Variants in LRP5 observed in about 807,000 individuals in gnomAD.
The protein encoded by LRP5 is LDL receptor related protein 5, also known as low-density lipoprotein receptor-related protein 5.
LRP5 carries 62 observed loss-of-function variants against 154.1 expected under a neutral mutation model. That is an observed-to-expected ratio of 0.40 (90% CI 0.33 to 0.50). The LOEUF is 0.50. Among genes scored for constraint, LRP5 ranks in the 20% least tolerant of loss-of-function variants. The probability of loss-of-function intolerance (pLI) is 0.55; values close to 1 mark genes in which losing one functional copy is unlikely to be tolerated. For synonymous variants in LRP5, 966 were observed against 1,011.5 expected (o/e 0.96, Z 0.85); for missense variants, 1,915 against 2,336.7 (o/e 0.82, Z 3.72).
intron 1 of LRP5, among the ~76,000 whole-genome samples, chr11:68,318,105 A>G (rs1434028389): frequency 6.7e-6 from 1 of 148,370 alleles, no homozygotes; most frequent in Non-Finnish European, 1.5e-5. Flanking sequence ...CCCAGGCTGG[A>G]GTGCAGCGGT....
intron 1 of LRP5, among the ~76,000 whole-genome samples, chr11:68,314,140 G>A (rs1452759770): frequency 1.3e-5 from 2 of 152,126 alleles, no homozygotes; most frequent in Non-Finnish European, 2.9e-5. Context: ...TCCTTTTTCC[G>A]GAAATGCCTG....
At chr11:68,371,228 C>A (rs1218817573) in intron 5 of LRP5, among the ~76,000 whole-genome samples, 3 of 152,190 alleles carry the variant, frequency 2.0e-5, no homozygotes, top group Non-Finnish European at 2.9e-5. Flanking sequence ...ACCAGGATGG[C>A]TCTCTGCAAA....
chr11:68,438,380 GCCCCCAAGGAGGGCCCATT>G (rs1433944758), intron 19 of LRP5, 47 bp from the exon 20 acceptor site: 3 of 1,433,170 alleles, frequency 2.1e-6, no homozygotes, highest in Non-Finnish European at 3.0e-6. Flanking sequence ...CACGGTGTCT[GCCCCCAAGGAGGGCCCATT>G]CCGTTGGGGT....
At chr11:68,352,532 T>C (rs140768342) in intron 2 of LRP5, among the ~76,000 whole-genome samples, 8 of 152,338 alleles carry the variant, frequency 5.3e-5, no homozygotes, top group East Asian at 3.9e-4. Flanking sequence ...CAGTGCTAGG[T>C]TGGGAGGTGA....
At chr11:68,338,873 T>TG (rs1565327357) in intron 1 of LRP5, among the ~76,000 whole-genome samples, 1 of 136,338 alleles carries the variant, frequency 7.3e-6, no homozygotes, top group East Asian at 2.1e-4. Context: ...TTTAGTTTTT[T>TG]TTTTTTTTTT....
chr11:68,397,903 G>T (rs2098650327), intron 7 of LRP5, among the ~76,000 whole-genome samples: 1 of 151,748 alleles, frequency 6.6e-6, no homozygotes, highest in Admixed American at 6.6e-5. Context: ...TCTGTTGGCT[G>T]CACTGTGCTC....
At chr11:68,345,368 A>G (rs1461193933) in intron 1 of LRP5, among the ~76,000 whole-genome samples, 2 of 151,858 alleles carry the variant, frequency 1.3e-5, no homozygotes, top group African/African-American at 4.8e-5. Flanking sequence ...GCTCACTGCA[A>G]CCTCCACCTC....
At chr11:68,376,796 C>T (rs1426474655) in intron 5 of LRP5, among the ~76,000 whole-genome samples, 2 of 152,210 alleles carry the variant, frequency 1.3e-5, no homozygotes, top group Non-Finnish European at 2.9e-5. Flanking sequence ...GGCCGCCTGC[C>T]TAAAGGGGGG....
intron 17 of LRP5, among the ~76,000 whole-genome samples, chr11:68,431,928 G>C (rs987247477): frequency 2.0e-5 from 3 of 152,132 alleles, no homozygotes; most frequent in Non-Finnish European, 4.4e-5. Context: ...CTCACGGCTC[G>C]AGAGACGTGT....
chr11:68,299,882 C>CT, the LRP5 span, among the ~76,000 whole-genome samples: 1 of 148,784 alleles, frequency 6.7e-6, no homozygotes, highest in African/African-American at 2.4e-5. Flanking sequence ...CGCGCTCCGC[C>CT]TTTTTTTGTT....
chr11:68,409,936 A>AC lies in LRP5; in HGVS notation c.2115dup (p.Gly706ArgfsTer13). On this transcript the variant is annotated frameshift_variant, in exon 10 of 23. Coordinates refer to ENST00000294304, the MANE Select transcript of LRP5 (RefSeq NM_002335.4). LOFTEE classifies it high-confidence loss of function. ...CAGACCATCAGCCGCGCCTTCATGA[A>AC]CGGGAGCTCGGTGGAGCACGTGGTG... 6.2e-7 allele frequency: 1 copy of AC among 1,613,660 alleles called. No individual in the cohort carries two copies. The highest frequency in any genetic ancestry group is 8.5e-7 in the Non-Finnish European group (1 of 1,179,960).
chr11:68,429,583 C>T lies in LRP5; in HGVS notation c.3646C>T (p.Pro1216Ser), dbSNP rs1182977842. The change falls in exon 17 of 23, where the codon CCA becomes TCA. Residue 1216 changes from proline (P) to serine (S), a missense_variant. Coordinates refer to ENST00000294304, the MANE Select transcript of LRP5 (RefSeq NM_002335.4). ...EVSLEEFSAH[P>S]CARDNGGCSH... ...TTGTTTTGTCTTTGCAGCAGCCCAC[C>T]CATGTGCCCGTGACAATGGTGGCTG... 2 of 1,614,024 alleles carry T rather than the reference C, an allele frequency of 1.2e-6. No homozygotes were observed. The highest frequency in any genetic ancestry group is 2.2e-5 in the East Asian group (1 of 44,900).
intron 3 of LRP5, among the ~76,000 whole-genome samples, chr11:68,358,766 C>A: frequency 6.6e-6 from 1 of 152,188 alleles, no homozygotes; most frequent in East Asian, 1.9e-4. Context: ...ACTTAATTAC[C>A]CCTTATAGAA....
intron 21 of LRP5, among the ~76,000 whole-genome samples, chr11:68,442,857 C>G (rs1011451048): frequency 2.6e-5 from 4 of 152,210 alleles, no homozygotes; most frequent in African/African-American, 9.6e-5. Context: ...AACTCACAAC[C>G]ACCTTCTACT....
At chr11:68,359,662 A>G (rs1443333764) in intron 3 of LRP5, among the ~76,000 whole-genome samples, 2 of 151,968 alleles carry the variant, frequency 1.3e-5, no homozygotes, top group East Asian at 3.8e-4. Context: ...AACGTTTGCT[A>G]TTATGTTTTA....
intron 5 of LRP5, among the ~76,000 whole-genome samples, chr11:68,369,515 G>A (rs757713373): frequency 3.3e-5 from 5 of 152,172 alleles, no homozygotes; most frequent in African/African-American, 9.6e-5. Flanking sequence ...TCGTGCAGTC[G>A]TGCCTGTCAG....
Position 68,363,892 on chromosome 11 carries a change from C to G in LRP5, c.832C>G (p.Leu278Val). Residue 278 changes from leucine (L) to valine (V), a missense_variant, in exon 4 of 23, where the codon CTC becomes GTC. Transcript: ENST00000294304. ...GAAGAGGAAGGAGATCCTGAGTGCC[C>G]TCTACTCACCCATGGACATCCAGGT... is the stretch of plus-strand genomic sequence containing the variant. ...GGKRKEILSA[L>V]YSPMDIQVLS... is the part of the protein sequence containing the mutation. The G allele has an allele frequency of 1.2e-6, 2 of 1,612,672 alleles. No individual in the cohort carries two copies. The highest frequency in any genetic ancestry group is 1.7e-6 in the Non-Finnish European group (2 of 1,179,730).
At chr11:68,382,657 A>G (rs2098640881) in intron 5 of LRP5, among the ~76,000 whole-genome samples, 1 of 152,124 alleles carries the variant, frequency 6.6e-6, no homozygotes, top group African/African-American at 2.4e-5. Flanking sequence ...TGGGATGATG[A>G]AGGCAGCCAG....
At chr11:68,440,797 A>T (rs1565119376) in intron 21 of LRP5, among the ~76,000 whole-genome samples, 1 of 150,042 alleles carries the variant, frequency 6.7e-6, no homozygotes, top group Non-Finnish European at 1.5e-5. Context: ...ACGGAGTTTC[A>T]CTTTTGTTGC....
Sources: gnomAD v4.1 joint callset for allele counts (sites outside exome capture counted in the v4.1 genomes callset) on GRCh38, gnomAD v4.1.1 for gene constraint, MANE v1.5 for transcripts, NCBI Gene and HGNC (gene_info 2026-07-23, HGNC 2026-07-21) for gene names.